The following SNX29 variants were observed in gnomAD, a reference collection of about 807,000 sequenced individuals.
SNX29 encodes sorting nexin-29.
Under a neutral mutation model 102.1 loss-of-function variants are expected in SNX29, and 78 were observed. The observed-to-expected ratio is 0.76, with a 90% CI of 0.64 to 0.92. SNX29 has a LOEUF of 0.92. Among genes scored for constraint, SNX29 ranks in the 40% least tolerant of loss-of-function variants. The probability of loss-of-function intolerance (pLI) is 0.00; values close to 1 mark genes in which losing one functional copy is unlikely to be tolerated. For missense variants in SNX29, 1,280 were observed against 1,061.7 expected, an observed-to-expected ratio of 1.21 and a Z score of -2.86; for synonymous variants, 580 against 414.5, an observed-to-expected ratio of 1.40 and a Z score of -4.85.
chr16:12,242,578 T>TC (rs1162241759), intron 14 of SNX29, among the ~76,000 whole-genome samples: 36 of 151,610 alleles, frequency 2.4e-4, no homozygotes, highest in African/African-American at 7.5e-4. Context: ...TTTCTTCTTC[T>TC]TTTCTTCTTC....
intron 13 of SNX29, among the ~76,000 whole-genome samples, chr16:12,150,559 C>G (rs1047673395): frequency 3.9e-5 from 6 of 152,234 alleles, no homozygotes; most frequent in African/African-American, 1.4e-4. Flanking sequence ...AAGAGTGAGT[C>G]TGCATCACAG....
intron 18 of SNX29, among the ~76,000 whole-genome samples, chr16:12,464,055 C>T (rs1007202765): frequency 1.4e-4 from 21 of 152,172 alleles, no homozygotes; most frequent in African/African-American, 5.1e-4. Context: ...CTGTTCTCTG[C>T]TTCTATGAGT....
chr16:12,437,944 C>T (rs1174143627), intron 18 of SNX29, among the ~76,000 whole-genome samples: 1 of 152,190 alleles, frequency 6.6e-6, no homozygotes, highest in Non-Finnish European at 1.5e-5. Flanking sequence ...TCCATCTGCA[C>T]TGCCAGGCCC....
At chr16:12,056,056 AT>A (rs1357814480) in intron 8 of SNX29, among the ~76,000 whole-genome samples, 1 of 151,862 alleles carries the variant, frequency 6.6e-6, no homozygotes, top group Non-Finnish European at 1.5e-5. Context: ...TAATTTTTGT[AT>A]TTTTAATAGA....
intron 13 of SNX29, among the ~76,000 whole-genome samples, chr16:12,145,163 T>C (rs1830866867): frequency 6.6e-6 from 1 of 151,490 alleles, no homozygotes; most frequent in Admixed American, 6.6e-5. Context: ...AATTCTGCCA[T>C]ACCTGAGATT....
chr16:12,551,439 C>G (rs949917675), intron 20 of SNX29, among the ~76,000 whole-genome samples: 1 of 152,178 alleles, frequency 6.6e-6, no homozygotes, highest in Non-Finnish European at 1.5e-5. Flanking sequence ...TTCGATCACC[C>G]AGCATGCTTT....
At chr16:12,329,430 A>G (rs2081229607) in intron 15 of SNX29, among the ~76,000 whole-genome samples, 1 of 152,074 alleles carries the variant, frequency 6.6e-6, no homozygotes, top group Non-Finnish European at 1.5e-5. Flanking sequence ...GTGCTGGCTT[A>G]CTGGGTTTTG....
At chr16:12,512,332 C>T (rs1350804835) in intron 19 of SNX29, among the ~76,000 whole-genome samples, 1 of 132,660 alleles carries the variant, frequency 7.5e-6, no homozygotes, top group Non-Finnish European at 1.6e-5. Flanking sequence ...TGAATCTCCC[C>T]ATCACTGTTT....
intron 15 of SNX29, among the ~76,000 whole-genome samples, chr16:12,288,550 T>G (rs2079680377): frequency 6.6e-6 from 1 of 152,144 alleles, no homozygotes; most frequent in Non-Finnish European, 1.5e-5. Flanking sequence ...CAGCTTGCCC[T>G]TGAATTCTTT....
At chr16:12,559,467 T>G (rs928177309) in intron 20 of SNX29, among the ~76,000 whole-genome samples, 1 of 151,716 alleles carries the variant, frequency 6.6e-6, no homozygotes, top group African/African-American at 2.4e-5. Flanking sequence ...TGGTGAGTTG[T>G]GTAATTTTTT....
intron 18 of SNX29, among the ~76,000 whole-genome samples, chr16:12,448,111 TATC>T (rs1402341328): frequency 2.6e-4 from 40 of 152,186 alleles, no homozygotes; most frequent in African/African-American, 9.2e-4. Flanking sequence ...ATGACGTTAT[TATC>T]TCCCCATTTA....
Position 12,027,384 on chromosome 16 carries a change from T to C in SNX29, c.187T>C (p.Leu63=), listed in dbSNP as rs758109670. The C allele has an allele frequency of 7.4e-6, 12 of 1,614,006 alleles. No homozygotes were observed. The highest frequency in any genetic ancestry group is 1.1e-5 in the South Asian group (1 of 91,076). ...GCATGGCTTGAAGAGGAGTCGAGGA[T>C]TGGCACTCACAGCGGCAGCGATCAA... ...LQHGLKRSRG[L]ALTAAAIKQA... The change falls in exon 4 of 21, where the codon TTG becomes CTG. Residue 63 remains leucine (L), a synonymous_variant. Coordinates refer to ENST00000566228, the MANE Select transcript of SNX29 (RefSeq NM_032167.5).
chr16:12,197,028 G>A (rs1358158947), intron 13 of SNX29, among the ~76,000 whole-genome samples: 1 of 152,228 alleles, frequency 6.6e-6, no homozygotes, highest in African/African-American at 2.4e-5. Context: ...AGTTGGAGAT[G>A]AACAGGGAAG....
chr16:12,563,258 G>C (rs962510188), intron 20 of SNX29, among the ~76,000 whole-genome samples: 2 of 152,118 alleles, frequency 1.3e-5, no homozygotes, highest in African/African-American at 4.8e-5. Context: ...ACCCCGCCCA[G>C]GTAGCAGAGG....
intron 18 of SNX29, among the ~76,000 whole-genome samples, chr16:12,459,468 G>A (rs573867298): frequency 6.6e-6 from 1 of 152,278 alleles, no homozygotes; most frequent in East Asian, 1.9e-4. Context: ...CAGGCTGGGT[G>A]GAGAGTGGGT....
At chr16:12,283,223 G>A (rs994547483) in intron 15 of SNX29, among the ~76,000 whole-genome samples, 1 of 151,974 alleles carries the variant, frequency 6.6e-6, no homozygotes, top group African/African-American at 2.4e-5. Context: ...GAGCAGCAGT[G>A]TTGATGGTTG....
rs533629781 is a variant in SNX29, at chr16:12,200,876, G to T, written c.1678+1193G>T. ...TGAATTATTTTACTATACGTACCAG[G>T]ACATCACACCAGTGTCATGAGAGCA... On this transcript the variant is annotated intron_variant, in intron 14 of 20. Transcript: ENST00000566228. Among the ~76,000 whole-genome samples, 5 of 152,246 alleles carry T rather than the reference G, an allele frequency of 3.3e-5. No individual in the cohort carries two copies. The East Asian group carries it at 9.6e-4, about 29-fold the overall frequency.
intron 13 of SNX29, among the ~76,000 whole-genome samples, chr16:12,180,393 G>A (rs534680195): frequency 6.6e-6 from 1 of 152,106 alleles, no homozygotes; most frequent in East Asian, 1.9e-4. Flanking sequence ...AATTTCTGGC[G>A]CATCTTTATC....
intron 11 of SNX29, among the ~76,000 whole-genome samples, chr16:12,088,610 T>C (rs1596835181): frequency 6.6e-6 from 1 of 152,220 alleles, no homozygotes; most frequent in African/African-American, 2.4e-5. Flanking sequence ...CTTTGTATTT[T>C]CTTCTGTTCT....
Sources: allele counts gnomAD v4.1 joint callset (sites outside exome capture counted in the v4.1 genomes callset), GRCh38; gene constraint gnomAD v4.1.1; transcripts MANE v1.5; gene names NCBI Gene and HGNC (gene_info 2026-07-23, HGNC 2026-07-21).